Variants in CCND2 observed in about 807,000 individuals in gnomAD.
The protein encoded by CCND2 is cyclin D2, also known as G1/S-specific cyclin-D2.
A neutral mutation model predicts 30.2 loss-of-function variants in CCND2; 6 were observed. The observed-to-expected ratio is 0.20, with a 90% CI of 0.11 to 0.39. The LOEUF (loss-of-function observed/expected upper bound fraction) is 0.39, where lower values mean the gene tolerates loss of function less well. Among genes scored for constraint, CCND2 ranks in the 10% least tolerant of loss-of-function variants. The pLI, the probability that CCND2 is intolerant of heterozygous loss-of-function variation, is 1.00. For synonymous variants in CCND2, 150 were observed against 153.1 expected (o/e 0.98, Z 0.15); for missense variants, 235 against 373.4 (o/e 0.63, Z 3.06).
rs554316087 is a variant in CCND2, at chr12:4,304,948, T to A, written c.*4939T>A. 3 of 233,498 alleles carry A rather than the reference T, an allele frequency of 1.3e-5. No homozygotes were observed. The highest frequency in any genetic ancestry group is 6.6e-5 in the African/African-American group (3 of 45,414). 14.5% of individuals were successfully genotyped at this position (233,498 alleles called of 1,614,324 possible). A position where few individuals can be genotyped will look rare whatever the true frequency, so the allele number is the denominator to read the frequency against. On this transcript the variant is annotated 3_prime_UTR_variant, in exon 5 of 5. Coordinates refer to ENST00000261254, the MANE Select transcript of CCND2 (RefSeq NM_001759.4). This position sits in a 1 kb window ranked among gnomAD's most constrained non-coding sequence, Gnocchi z 6.2. ...ACCTCAGATCTCTCTCTCTCTCCTC[T>A]CTCTCAGTTATGTAGTTTCTTGTCT...
rs1489107631 is a variant in CCND2, at chr12:4,293,009, G to A, written c.720+4019G>A. ...CCAGAGCCCCTGGCAGAGTCATTGG[G>A]AGTGATGCTTAAGAGAGGAAGGGAA... On this transcript the variant is annotated intron_variant, in intron 4 of 4. Coordinates refer to ENST00000261254, the MANE Select transcript of CCND2 (RefSeq NM_001759.4). The surrounding 1 kb of genome is among the most constrained non-coding windows in gnomAD (Gnocchi z 4.9). 6.6e-6 allele frequency among the ~76,000 whole-genome samples: 1 copy of A among 152,224 alleles called. No individual in the cohort carries two copies. Among genetic ancestry groups the A allele is most frequent in the Non-Finnish European group, 1.5e-5 (1 of 68,040 alleles).
rs892078320 is a variant in CCND2, at chr12:4,274,431, G to C, written c.195+196G>C. Among the ~76,000 whole-genome samples the C allele has an allele frequency of 1.3e-5, 2 of 152,234 alleles. No homozygotes were observed. The highest frequency in any genetic ancestry group is 4.8e-5 in the African/African-American group (2 of 41,468). ...TCCAGATAAACTGGGGAGGCAGAGG[G>C]GGGAGGAAAATCTGGGAGAAGCGAG... is the stretch of plus-strand genomic sequence containing the variant. On this transcript the variant is annotated intron_variant, in intron 1 of 4. Transcript: ENST00000261254. The surrounding 1 kb of genome is among the most constrained non-coding windows in gnomAD (Gnocchi z 7.7).
In CCND2 at chr12:4,282,087, A is replaced by G. The variant is rs1863955965; in HGVS notation, c.571+3168A>G. On this transcript the variant is annotated intron_variant, in intron 3 of 4. Transcript: ENST00000261254. The surrounding 1 kb of genome is among the most constrained non-coding windows in gnomAD (Gnocchi z 4.3). The stretch of plus-strand genomic sequence containing the variant: ...TGCTGATAGAACACCCAGGTCTGCA[A>G]GCGAGGAAAGAAGGCCATTGGAGAT... Among the ~76,000 whole-genome samples, 1 of 152,196 alleles carries G rather than the reference A, an allele frequency of 6.6e-6. No homozygotes were observed. The highest frequency in any genetic ancestry group is 1.5e-5 in the Non-Finnish European group (1 of 68,042).
chr12:4,294,760 G>T (rs1234931536), intron 4 of CCND2, among the ~76,000 whole-genome samples: 2 of 152,182 alleles, frequency 1.3e-5, no homozygotes, highest in African/African-American at 4.8e-5. Flanking sequence ...TTGATTTCCA[G>T]AGGCCCTTTG....
chr12:4,303,723 C>A lies in CCND2; in HGVS notation c.*3714C>A, dbSNP rs886950376. The stretch of plus-strand genomic sequence containing the variant: ...AGGGCAGTTCCCTCCGCAGAACACC[C>A]CATGCGTGCTGAGAGGCGAGCTCCT... On this transcript the variant is annotated 3_prime_UTR_variant, in exon 5 of 5. Transcript: ENST00000261254. This position sits in a 1 kb window ranked among gnomAD's most constrained non-coding sequence, Gnocchi z 4.6. 167 of 233,554 alleles carry A rather than the reference C, an allele frequency of 7.2e-4. No homozygotes were observed. Among genetic ancestry groups the A allele is most frequent in the African/African-American group, 3.5e-3 (157 of 45,338 alleles). The allele number at this position is 233,554 out of a possible 1,614,324, so 14.5% of individuals were successfully genotyped here.
In CCND2 at chr12:4,303,568, A is replaced by G. The variant is rs1864279598; in HGVS notation, c.*3559A>G. ...GCCGAGTTGTTCCCCCAGCCTGCCA[A>G]ATTTTGATCCTTCCCCTCTTTTGGC... On this transcript the variant is annotated 3_prime_UTR_variant, in exon 5 of 5. Coordinates refer to ENST00000261254, the MANE Select transcript of CCND2 (RefSeq NM_001759.4). This position sits in a 1 kb window ranked among gnomAD's most constrained non-coding sequence, Gnocchi z 4.6. 1 of 233,396 alleles carries G rather than the reference A, an allele frequency of 4.3e-6. No homozygotes were observed. Among genetic ancestry groups the G allele is most frequent in the Non-Finnish European group, 8.5e-6 (1 of 118,060 alleles). 14.5% of individuals were successfully genotyped at this position (233,396 alleles called of 1,614,324 possible).
chr12:4,276,280 A>T lies in CCND2; in HGVS notation c.411+60A>T. The T allele has an allele frequency of 7.0e-7, 1 of 1,432,060 alleles. No homozygotes were observed. Among genetic ancestry groups the T allele is most frequent in the East Asian group, 2.4e-5 (1 of 42,054 alleles). The allele number at this position is 1,432,060 out of a possible 1,614,324, so 88.7% of individuals were successfully genotyped here. On this transcript the variant is annotated intron_variant, in intron 2 of 4. Transcript: ENST00000261254. The surrounding 1 kb of genome is among the most constrained non-coding windows in gnomAD (Gnocchi z 4.8). ...GATTCCCGCTTTCCCCTGGCCAACA[A>T]TATGCCTTCTATCACCACTGCCAGA... is the stretch of plus-strand genomic sequence containing the variant.
chr12:4,292,076 A>G (rs1369642029), intron 4 of CCND2, among the ~76,000 whole-genome samples: 3 of 152,210 alleles, frequency 2.0e-5, no homozygotes, highest in African/African-American at 7.2e-5. Flanking sequence ...ATGCCACTGT[A>G]CATTTAAAAG....
At position 4,300,051 on chromosome 12, in the gene CCND2, TG is replaced by T; in HGVS notation, c.*44del. ...GAAAGAGAGAGACGCGTCCATAATCTGGTCTCTTCTTCTTTCTGGTTGTTTT... is the reference window on the plus strand; with the variant it reads ...GAAAGAGAGAGACGCGTCCATAATCTGTCTCTTCTTCTTTCTGGTTGTTTT... On this transcript the variant is annotated 3_prime_UTR_variant, in exon 5 of 5. Transcript: ENST00000261254. The T allele has an allele frequency of 6.4e-7, 1 of 1,569,594 alleles. No homozygotes were observed. The highest frequency in any genetic ancestry group is 8.7e-7 in the Non-Finnish European group (1 of 1,153,862).
Position 4,299,933 on chromosome 12 carries a change from AACGTG to A in CCND2, c.798_802del (p.Asp267IlefsTer6). 1 of 1,614,168 alleles carries A rather than the reference AACGTG, an allele frequency of 6.2e-7. No individual in the cohort carries two copies. Among genetic ancestry groups the A allele is most frequent in the Non-Finnish European group, 8.5e-7 (1 of 1,179,980 alleles). ...AGCCTGCAGCAGTACCGTCAGGACCAACGTGACGGATCCAAGTCGGAGGATGAACT... is the reference window on the plus strand; with the variant it reads ...AGCCTGCAGCAGTACCGTCAGGACCAACGGATCCAAGTCGGAGGATGAACT... On this transcript the variant is annotated frameshift_variant, in exon 5 of 5. Coordinates refer to ENST00000261254, the MANE Select transcript of CCND2 (RefSeq NM_001759.4). LOFTEE classifies it high-confidence loss of function. The surrounding 1 kb of genome is among the most constrained non-coding windows in gnomAD (Gnocchi z 5.2).
At chr12:4,278,512 A>G (rs1863903227) in intron 2 of CCND2, among the ~76,000 whole-genome samples, 1 of 152,204 alleles carries the variant, frequency 6.6e-6, no homozygotes, top group Non-Finnish European at 1.5e-5. Context: ...AGAAGAAAAT[A>G]GAATCTTGGC....
At chr12:4,289,556 A>G (rs1864069566) in intron 4 of CCND2, among the ~76,000 whole-genome samples, 1 of 152,236 alleles carries the variant, frequency 6.6e-6, no homozygotes, top group Non-Finnish European at 1.5e-5. Context: ...AAAGTGCCAT[A>G]CAAACTCAAG....
chr12:4,288,818 CCTT>C, intron 3 of CCND2, 21 bp from the exon 4 acceptor site: 1 of 1,599,238 alleles, frequency 6.3e-7, no homozygotes, highest in Non-Finnish European at 8.5e-7. Flanking sequence ...TGTGCCCTGA[CCTT>C]CTGCCTCTCA....
chr12:4,296,958 C>T (rs1435519973), intron 4 of CCND2, among the ~76,000 whole-genome samples: 2 of 152,184 alleles, frequency 1.3e-5, no homozygotes, highest in African/African-American at 4.8e-5. Flanking sequence ...TGGGTCTCAG[C>T]TCCTGCCCAT....
chr12:4,287,822 C>T lies in CCND2; in HGVS notation c.572-1020C>T, dbSNP rs1243709944. ...CTTTATTTCCCCTCGATGGACCAAGCAGCTGCTGGATCATGGCCACCCAGC... is the reference window on the plus strand; with the variant it reads ...CTTTATTTCCCCTCGATGGACCAAGTAGCTGCTGGATCATGGCCACCCAGC... On this transcript the variant is annotated intron_variant, in intron 3 of 4. Coordinates refer to ENST00000261254, the MANE Select transcript of CCND2 (RefSeq NM_001759.4). This position sits in a 1 kb window ranked among gnomAD's most constrained non-coding sequence, Gnocchi z 4.0. Among the ~76,000 whole-genome samples the T allele has an allele frequency of 6.6e-6, 1 of 152,206 alleles. No individual in the cohort carries two copies. Among genetic ancestry groups the T allele is most frequent in the Non-Finnish European group, 1.5e-5 (1 of 68,034 alleles).
intron 1 of CCND2, chr12:4,275,611 G>A (rs1863860821): frequency 6.5e-6 from 1 of 154,508 alleles, no homozygotes. Context: ...GTGGACCCCC[G>A]GAGCCTCCAG....
rs939767007 is a variant in CCND2 at position 4,276,700 on chromosome 12, G to C, written c.411+480G>C. On this transcript the variant is annotated intron_variant, in intron 2 of 4. Coordinates refer to ENST00000261254, the MANE Select transcript of CCND2 (RefSeq NM_001759.4). This position sits in a 1 kb window ranked among gnomAD's most constrained non-coding sequence, Gnocchi z 4.8. ...CTCAAGATACCAACACATAATAGCT[G>C]TTCACTAAATATCAGTTCATTGACT... Among the ~76,000 whole-genome samples, 2 of 152,192 alleles carry C rather than the reference G, an allele frequency of 1.3e-5. No individual in the cohort carries two copies. Among genetic ancestry groups the C allele is most frequent in the Non-Finnish European group, 2.9e-5 (2 of 68,026 alleles).
At chr12:4,279,962 C>A (rs745757493) in intron 3 of CCND2, among the ~76,000 whole-genome samples, 1 of 151,380 alleles carries the variant, frequency 6.6e-6, no homozygotes, top group African/African-American at 2.4e-5. Context: ...TTCTACGGAA[C>A]GGATGATTAT....
rs11392498 is a variant in CCND2, at chr12:4,299,058, A to ATT, written c.721-792_721-791dup. On this transcript the variant is annotated intron_variant, in intron 4 of 4. Transcript: ENST00000261254. This position sits in a 1 kb window ranked among gnomAD's most constrained non-coding sequence, Gnocchi z 5.2. Reference sequence around the variant, plus strand: ...GGTAAAGAAGCAGAAAAAGTTGGGGATTTTTTTTTTTAAGTATTTACAGTG... The same window carrying ATT: ...GGTAAAGAAGCAGAAAAAGTTGGGGATTTTTTTTTTTTTAAGTATTTACAGTG... 4.7e-3 allele frequency among the ~76,000 whole-genome samples: 698 copies of ATT among 149,474 alleles called. 31 individuals are homozygous for ATT. The East Asian group carries it at 0.11, about 23-fold the overall frequency.
Sources: allele counts gnomAD v4.1 joint callset (sites outside exome capture counted in the v4.1 genomes callset), GRCh38; gene constraint gnomAD v4.1.1; non-coding constraint Gnocchi (gnomAD v3.1); transcripts MANE v1.5; gene names NCBI Gene and HGNC (gene_info 2026-07-23, HGNC 2026-07-21).